The following ZNF479 variants were observed in gnomAD, a reference collection of about 807,000 sequenced individuals.
ZNF479 encodes the protein KRAB zinc finger protein KR19.
Under a neutral mutation model 14.7 loss-of-function variants are expected in ZNF479, and 15 were observed. The observed-to-expected ratio is 1.02, with a 90% CI of 0.68 to 1.57. The LOEUF (loss-of-function observed/expected upper bound fraction) is 1.57. ZNF479 is among the 40% of genes most tolerant of loss of function. The pLI is 0.00. For missense variants in ZNF479, 506 were observed against 615.1 expected (o/e 0.82, Z 1.88); for synonymous variants, 145 against 211.5 (o/e 0.69, Z 2.73).
At position 57,126,670 on chromosome 7, in the gene ZNF479, A is replaced by G. The variant is rs1394333281; in HGVS notation, c.88T>C (p.Trp30Arg). Residue 30 changes from tryptophan to arginine, a missense_variant, in exon 2 of 4, where the codon TGG (tryptophan) becomes CGG (arginine). Physicochemically the swap from Trp to Arg is moderately radical, Grantham distance 101. Coordinates refer to ENST00000319636, the MANE Select transcript of ZNF479 (RefSeq NM_001370129.2). ...CGCTGAGCACAATCCAGGCATTGCC[A>G]TTCCTCCAGAGAGAATTCTATAGCT... is the stretch of plus-strand genomic sequence containing the variant. ...DIAIEFSLEE[W>R]QCLDCAQRNL... is the part of the protein sequence containing the mutation. 6.2e-7 allele frequency: 1 copy of G among 1,613,356 alleles called. No homozygotes were observed.
chr7:57,122,677 C>T (rs1786003669), intron 3 of ZNF479, among the ~76,000 whole-genome samples: 1 of 152,062 alleles, frequency 6.6e-6, no homozygotes. Flanking sequence ...TTAAAATATA[C>T]TGTTGTAACA....
Position 57,117,906 on chromosome 7 carries a change from C to T in ZNF479, c.*1934G>A, listed in dbSNP as rs1352940717. 5.9e-5 allele frequency among the ~76,000 whole-genome samples: 9 copies of T among 152,216 alleles called. No homozygotes were observed. The highest frequency in any genetic ancestry group is 1.0e-4 in the Non-Finnish European group (7 of 68,044). On this transcript the variant is annotated 3_prime_UTR_variant, in exon 4 of 4. Transcript: ENST00000319636. ...AGGTAATTATGAATCTCGAAAAAAA[C>T]TACTTCTTTAACATGTATATGGTGT... is the stretch of plus-strand genomic sequence containing the variant.
chr7:57,127,010 T>A (rs909081824), intron 1 of ZNF479, among the ~76,000 whole-genome samples: 11 of 145,310 alleles, frequency 7.6e-5, no homozygotes, highest in African/African-American at 2.7e-4. Context: ...TTCTTTTCTG[T>A]TTTTCTTTTT....
intron 2 of ZNF479, 85 bp from the exon 3 acceptor site, chr7:57,126,198 G>A: frequency 7.2e-7 from 1 of 1,387,948 alleles, no homozygotes; most frequent in East Asian, 2.4e-5. Context: ...GGATATAATA[G>A]AAAATTCTAG....
In ZNF479 at chr7:57,132,327, A is replaced by C. The variant is rs1786469621; in HGVS notation, c.-3T>G. 6.2e-7 allele frequency: 1 copy of C among 1,614,002 alleles called. No homozygotes were observed. Among genetic ancestry groups the C allele is most frequent in the South Asian group, 1.1e-5 (1 of 91,080 alleles). ...GGGGGTCCTGGTCTTTTAGCCATAAATCTGCAGATACCTGCAGGACACAAG... is the reference window on the plus strand; with the variant it reads ...GGGGGTCCTGGTCTTTTAGCCATAACTCTGCAGATACCTGCAGGACACAAG... On this transcript the variant is annotated 5_prime_UTR_variant, in exon 1 of 4. Transcript: ENST00000319636.
chr7:57,139,399 G>A (rs2115919167), intron 1 of ZNF479, among the ~76,000 whole-genome samples: 1 of 152,364 alleles, frequency 6.6e-6, no homozygotes, highest in East Asian at 1.9e-4. Context: ...CACACAGCCA[G>A]TCCACTGTTG....
At chr7:57,134,665 CTTTTTTTTTTT>C (rs71053216), upstream of ZNF479, among the ~76,000 whole-genome samples, 5 of 106,500 alleles carry the variant, frequency 4.7e-5, no homozygotes, top group East Asian at 1.4e-3. Flanking sequence ...TTTCTTCTAT[CTTTTTTTTTTT>C]TTTTTTTTTT....
At chr7:57,135,363 A>G (rs889582544), upstream of ZNF479, among the ~76,000 whole-genome samples, 14 of 152,034 alleles carry the variant, frequency 9.2e-5, no homozygotes, top group African/African-American at 3.4e-4. Flanking sequence ...CTAAAATTAG[A>G]TTGGGCATTA....
At chr7:57,122,147 C>A (rs1785982656) in intron 3 of ZNF479, among the ~76,000 whole-genome samples, 1 of 151,916 alleles carries the variant, frequency 6.6e-6, no homozygotes, top group African/African-American at 2.4e-5. Context: ...TTGGGAGCTG[C>A]AAGATAAAAG....
At chr7:57,121,201 A>C in intron 3 of ZNF479, 49 bp from the exon 4 acceptor site, 1 of 1,612,742 alleles carries the variant, frequency 6.2e-7, no homozygotes. Context: ...GACTCATATA[A>C]ATATATTCTA....
rs183270731 is a variant in ZNF479 at position 57,121,733 on chromosome 7, G to C, written c.263-581C>G. On this transcript the variant is annotated intron_variant, in intron 3 of 3. Coordinates refer to ENST00000319636, the MANE Select transcript of ZNF479 (RefSeq NM_001370129.2). ...GAGCTGCATTATAAAGATCATGAAA[G>C]GTAGTTTTATGTTAGTGTCTAAATC... 8.3e-4 allele frequency among the ~76,000 whole-genome samples: 127 copies of C among 152,112 alleles called. 2 individuals carry two copies. The East Asian group carries it at 0.023, about 27-fold the overall frequency.
upstream of ZNF479, among the ~76,000 whole-genome samples, chr7:57,133,911 A>C (rs150107542): frequency 0.018 from 2,688 of 152,334 alleles, 31 homozygotes; most frequent in South Asian, 0.028. Context: ...AATTGATTGC[A>C]ACAACTTAAT....
In ZNF479 at chr7:57,120,691, T is replaced by G; in HGVS notation, c.724A>C (p.Arg242=). 1.7e-5 allele frequency: 27 copies of G among 1,613,314 alleles called. No individual in the cohort carries two copies. Among genetic ancestry groups the G allele is most frequent in the Non-Finnish European group, 2.2e-5 (26 of 1,179,690 alleles). The part of the protein sequence containing the change: ...KIIHTGEKPY[R]CEECGKAFSW... ...AAGGCTTTGCCACATTCCTCACATC[T>G]ATATGGTTTCTCTCCAGTATGAATT... The change falls in exon 4 of 4, where the codon AGA becomes CGA. Residue 242 remains arginine (R), a synonymous_variant. Coordinates refer to ENST00000319636, the MANE Select transcript of ZNF479 (RefSeq NM_001370129.2).
At chr7:57,134,960 C>A (rs1218674574), upstream of ZNF479, among the ~76,000 whole-genome samples, 1 of 151,698 alleles carries the variant, frequency 6.6e-6, no homozygotes, top group Non-Finnish European at 1.5e-5. Flanking sequence ...CAGGCATAAG[C>A]CAGGGTTATA....
At chr7:57,138,373 G>A (rs925917170) in intron 1 of ZNF479, among the ~76,000 whole-genome samples, 11 of 152,196 alleles carry the variant, frequency 7.2e-5, no homozygotes, top group African/African-American at 2.4e-4. Context: ...CAGCACCGAG[G>A]TAAAATTGTG....
Position 57,120,929 on chromosome 7 carries a change from A to T in ZNF479, c.486T>A (p.Tyr162Ter). 1 of 1,613,980 alleles carries T rather than the reference A, an allele frequency of 6.2e-7. No individual in the cohort carries two copies. Among genetic ancestry groups the T allele is most frequent in the East Asian group, 2.2e-5 (1 of 44,870 alleles). ...TQNKIFQTHK[Y>*]VKVFGKFSNS... ...TTGAAAATTTACCAAAGACTTTGAC[A>T]TATTTATGAGTCTGAAATATTTTGT... Residue 162 changes from tyrosine (Y) to a stop codon, truncating the protein, a stop_gained, in exon 4 of 4, where the codon TAT becomes TAA. Coordinates refer to ENST00000319636, the MANE Select transcript of ZNF479 (RefSeq NM_001370129.2). LOFTEE classifies it low-confidence loss of function (END_TRUNC).
Position 57,123,121 on chromosome 7 carries a change from T to C in ZNF479, c.263-1969A>G, listed in dbSNP as rs547406689. ...TTTTGATTCACAGTTCAGTAGACTGTACAAGAAGTATATGCCAGCATCTGC... is the reference window on the plus strand; with the variant it reads ...TTTTGATTCACAGTTCAGTAGACTGCACAAGAAGTATATGCCAGCATCTGC... On this transcript the variant is annotated intron_variant, in intron 3 of 3. Coordinates refer to ENST00000319636, the MANE Select transcript of ZNF479 (RefSeq NM_001370129.2). 2.2e-4 allele frequency among the ~76,000 whole-genome samples: 33 copies of C among 152,322 alleles called. 1 individual carries two copies. In the East Asian group the frequency reaches 6.0e-3, roughly 28 times the overall value.
chr7:57,132,533 C>T (rs1404528379), upstream of ZNF479, among the ~76,000 whole-genome samples: 1 of 152,148 alleles, frequency 6.6e-6, no homozygotes, highest in East Asian at 1.9e-4. Context: ...GGTTTCAGGC[C>T]CCACCCTTCA....
intron 1 of ZNF479, among the ~76,000 whole-genome samples, chr7:57,129,430 G>A (rs1786323142): frequency 6.6e-6 from 1 of 152,072 alleles, no homozygotes; most frequent in South Asian, 2.1e-4. Context: ...GAGAAAGCAG[G>A]CACAGCAGAG....
Sources: allele counts gnomAD v4.1 joint callset (sites outside exome capture counted in the v4.1 genomes callset), GRCh38; gene constraint gnomAD v4.1.1; transcripts MANE v1.5; gene names NCBI Gene and HGNC (gene_info 2026-07-23, HGNC 2026-07-21).